The following PRKCZ variants were observed in gnomAD, a reference collection of about 807,000 sequenced individuals.
The protein encoded by PRKCZ is protein kinase C zeta type.
PRKCZ carries 33 observed loss-of-function variants against 79.5 expected under a neutral mutation model. That is an observed-to-expected ratio of 0.41 (90% CI 0.31 to 0.55). The LOEUF (loss-of-function observed/expected upper bound fraction) is 0.55. Among genes scored for constraint, PRKCZ ranks in the 20% least tolerant of loss-of-function variants. The pLI, the probability that PRKCZ is intolerant of heterozygous loss-of-function variation, is 0.19. For synonymous variants in PRKCZ, 342 were observed against 320.9 expected, an observed-to-expected ratio of 1.07 and a Z score of -0.70; for missense variants, 578 against 813.5, an observed-to-expected ratio of 0.71 and a Z score of 3.52.
chr1:2,110,639 C>T (rs1356340761), intron 4 of PRKCZ, among the ~76,000 whole-genome samples: 1 of 152,208 alleles, frequency 6.6e-6, no homozygotes, highest in Non-Finnish European at 1.5e-5. Context: ...CACTTGTCCA[C>T]CCTCACACCA....
intron 9 of PRKCZ, among the ~76,000 whole-genome samples, chr1:2,152,796 G>A (rs946253456): frequency 6.6e-6 from 1 of 152,332 alleles, no homozygotes; most frequent in Non-Finnish European, 1.5e-5. Flanking sequence ...TCCAGTGTCC[G>A]TCCATGTGGC....
At position 2,062,307 on chromosome 1, in the gene PRKCZ, C is replaced by T. The variant is rs186321600; in HGVS notation, c.334+2716C>T. Among the ~76,000 whole-genome samples the T allele has an allele frequency of 1.1e-4, 17 of 152,276 alleles. 1 individual carries two copies. The highest frequency in any genetic ancestry group is 1.0e-3 in the Admixed American group (16 of 15,292). ...CCGCTCAGCCTCTGTCTCTGTGGCC[C>T]TGCGGATTCTGGACGTTTGGTGTCC... On this transcript the variant is annotated intron_variant, in intron 4 of 17. Coordinates refer to ENST00000378567, the MANE Select transcript of PRKCZ (RefSeq NM_002744.6).
chr1:2,184,831 G>C (rs1687324256), intron 17 of PRKCZ, 91 bp from the exon 18 acceptor site: 1 of 1,392,922 alleles, frequency 7.2e-7, no homozygotes. Flanking sequence ...AGTGGGCGTT[G>C]GGGGAGGATT....
Position 2,173,751 on chromosome 1 carries a change from A to G in PRKCZ, c.1286-146A>G, listed in dbSNP as rs542814394. ...GTGGAGGTGCTGGTTCTGTTTGGGA[A>G]GTGGAAGTCACAGAGGCCTGTGTGC... is the stretch of plus-strand genomic sequence containing the variant. On this transcript the variant is annotated intron_variant, in intron 13 of 17. Coordinates refer to ENST00000378567, the MANE Select transcript of PRKCZ (RefSeq NM_002744.6). The surrounding 1 kb of genome is among the most constrained non-coding windows in gnomAD (Gnocchi z 5.7). 568 of 1,187,582 alleles carry G rather than the reference A, an allele frequency of 4.8e-4. 7 individuals carry two copies. The Middle Eastern group carries it at 6.8e-3, about 14-fold the overall frequency. 73.6% of individuals were successfully genotyped at this position (1,187,582 alleles called of 1,614,324 possible). A position where few individuals can be genotyped will look rare whatever the true frequency, so the allele number is the denominator to read the frequency against.
At chr1:2,182,332 T>G (rs1686758896) in intron 16 of PRKCZ, 1 of 164,152 alleles carries the variant, frequency 6.1e-6, no homozygotes. Context: ...CCTGAGACTC[T>G]GAAGCCGATG....
At chr1:2,105,634 A>T (rs1312508529) in intron 4 of PRKCZ, among the ~76,000 whole-genome samples, 9 of 152,164 alleles carry the variant, frequency 5.9e-5, no homozygotes, top group African/African-American at 2.2e-4. Context: ...TCCTGACCTC[A>T]AGTGGTCCAC....
At chr1:2,121,451 T>C (rs1435249701) in intron 4 of PRKCZ, among the ~76,000 whole-genome samples, 1 of 122,692 alleles carries the variant, frequency 8.2e-6, no homozygotes, top group Non-Finnish European at 1.8e-5. Flanking sequence ...GTCATGGCGG[T>C]AGTTAGTTAG....
At position 2,169,652 on chromosome 1, in the gene PRKCZ, T is replaced by C. The variant is rs113136694; in HGVS notation, c.1061+48T>C. ...GGGTGGGTGCGCCCGGAGTTGGGGA[T>C]GGGTGGGTGCGTGCGGTGTTGGGGG... On this transcript the variant is annotated intron_variant, in intron 11 of 17. Coordinates refer to ENST00000378567, the MANE Select transcript of PRKCZ (RefSeq NM_002744.6). 5.0e-3 allele frequency: 3,812 copies of C among 767,968 alleles called. 65 individuals carry two copies. In the African/African-American group the frequency reaches 0.085, roughly 17 times the overall value. The allele number at this position is 767,968 out of a possible 1,614,324, so 47.6% of individuals were successfully genotyped here.
Position 2,055,539 on chromosome 1 carries a change from C to T in PRKCZ, c.170C>T (p.Thr57Ile), listed in dbSNP as rs1184424351. 6.2e-7 allele frequency: 1 copy of T among 1,613,982 alleles called. No individual in the cohort carries two copies. The highest frequency in any genetic ancestry group is 8.5e-7 in the Non-Finnish European group (1 of 1,179,944). Residue 57 changes from threonine (T) to isoleucine (I), a missense_variant, in exon 2 of 18, where the codon ACC becomes ATC. Around this residue, in one of 4 missense-constraint regions of PRKCZ, gnomAD observed 228 missense variants for 211.6 expected, o/e 1.08. Transcript: ENST00000378567. ...MCRLHQQHPL[T>I]LKWVDSEGDP... ...CGTCTGCACCAGCAGCACCCGCTCA[C>T]CCTCAAGTGGGTGGACAGCGAAGGT...
In PRKCZ at chr1:2,156,075, C is replaced by A; in HGVS notation, c.957C>A (p.Cys319Ter). The A allele has an allele frequency of 6.2e-7, 1 of 1,613,150 alleles. No individual in the cohort carries two copies. Among genetic ancestry groups the A allele is most frequent in the Non-Finnish European group, 8.5e-7 (1 of 1,179,154 alleles). Reference protein sequence around the residue: ...SNPFLVGLHSCFQTTSRLFLV... With the variant: ...SNPFLVGLHS ...CCTTCCTGGTCGGATTACACTCCTG[C>A]TTCCAGACGACAAGTCGGTAAGAAA... Residue 319 changes from cysteine to a stop codon, truncating the protein, a stop_gained, in exon 10 of 18, where the codon TGC becomes TGA. Coordinates refer to ENST00000378567, the MANE Select transcript of PRKCZ (RefSeq NM_002744.6). LOFTEE classifies it high-confidence loss of function.
intron 5 of PRKCZ, among the ~76,000 whole-genome samples, chr1:2,138,416 T>A (rs1386157098): frequency 6.6e-6 from 1 of 152,034 alleles, no homozygotes; most frequent in Non-Finnish European, 1.5e-5. Flanking sequence ...GCCTCCTCCA[T>A]GAAGGATGGT....
At chr1:2,146,146 C>A (rs751089989) in intron 7 of PRKCZ, 38 bp downstream of exon 7, 1 of 1,560,062 alleles carries the variant, frequency 6.4e-7, no homozygotes, top group East Asian at 2.2e-5. Context: ...AGAGCCTGGG[C>A]ATCACCTCAC....
chr1:2,109,193 G>A (rs1477129197), intron 4 of PRKCZ, among the ~76,000 whole-genome samples: 1 of 152,218 alleles, frequency 6.6e-6, no homozygotes, highest in African/African-American at 2.4e-5. Flanking sequence ...TGCATGTGGG[G>A]CTGTCTGGGT....
intron 3 of PRKCZ, among the ~76,000 whole-genome samples, chr1:2,056,929 C>T (rs2803317): frequency 3.3e-5 from 5 of 151,862 alleles, no homozygotes; most frequent in East Asian, 3.9e-4. Flanking sequence ...GGGGTTTCAC[C>T]GTGTTAGCCA....
chr1:2,144,447 GGCCGTGGT>G, intron 6 of PRKCZ, 106 bp downstream of exon 6: 1 of 1,492,148 alleles, frequency 6.7e-7, no homozygotes. Context: ...CTTCAAGAGG[GGCCGTGGT>G]GCCGTCCTAG....
chr1:2,121,740 ACGGCGG>A lies in PRKCZ; in HGVS notation c.335-13521_335-13516del, dbSNP rs1672093044. ...TAGGGTCACGGCGGTACTTAGGGTCACGGCGGTGGTTAGGGTCACGGCGGTGGTTAG... is the reference window on the plus strand; with the variant it reads ...TAGGGTCACGGCGGTACTTAGGGTCATGGTTAGGGTCACGGCGGTGGTTAG... On this transcript the variant is annotated intron_variant, in intron 4 of 17. Transcript: ENST00000378567. Among the ~76,000 whole-genome samples, 4 of 48,804 alleles carry A rather than the reference ACGGCGG, an allele frequency of 8.2e-5. 1 individual carries two copies. The highest frequency in any genetic ancestry group is 6.3e-4 in the Admixed American group (2 of 3,174). The allele number at this position is 48,804 out of a possible 152,430, so 32.0% of individuals were successfully genotyped here.
intron 4 of PRKCZ, among the ~76,000 whole-genome samples, chr1:2,080,768 T>C (rs1354235073): frequency 1.3e-5 from 2 of 152,188 alleles, no homozygotes; most frequent in African/African-American, 4.8e-5. Context: ...GGGCCCCACG[T>C]GGCACTTGGC....
intron 9 of PRKCZ, among the ~76,000 whole-genome samples, chr1:2,154,696 T>C (rs573196970): frequency 3.3e-5 from 5 of 152,352 alleles, no homozygotes; most frequent in Admixed American, 2.0e-4. Context: ...TCTTTCACTG[T>C]CATTTTTCTA....
At chr1:2,175,648 G>A (rs1055794188) in intron 16 of PRKCZ, among the ~76,000 whole-genome samples, 13 of 150,418 alleles carry the variant, frequency 8.6e-5, no homozygotes, top group African/African-American at 2.2e-4. Flanking sequence ...CTCGCGCACC[G>A]CCGGGCTGGT....
Sources: allele counts gnomAD v4.1 joint callset (sites outside exome capture counted in the v4.1 genomes callset), GRCh38; gene constraint gnomAD v4.1.1; regional missense constraint gnomAD v4.1.1; non-coding constraint Gnocchi (gnomAD v3.1); transcripts MANE v1.5; gene names NCBI Gene and HGNC (gene_info 2026-07-23, HGNC 2026-07-21).